The following KCNJ3 variants were observed in gnomAD, a reference collection of about 807,000 sequenced individuals.
KCNJ3 encodes the protein G protein-activated inward rectifier potassium channel 1.
Under a neutral mutation model 39.2 loss-of-function variants are expected in KCNJ3, and 4 were observed. The ratio of observed to expected loss-of-function variants is 0.10; its 90% CI spans 0.05 to 0.23. The LOEUF is 0.23. Among genes scored for constraint, KCNJ3 ranks in the 10% least tolerant of loss-of-function variants. KCNJ3 has a pLI of 1.00. For missense variants in KCNJ3, 276 were observed against 634.9 expected (o/e 0.43, Z 6.08); for synonymous variants, 230 against 237.4 (o/e 0.97, Z 0.29).
At chr2:154,707,215 C>A (rs147954139) in intron 1 of KCNJ3, among the ~76,000 whole-genome samples, 1 of 151,134 alleles carries the variant, frequency 6.6e-6, no homozygotes, top group Admixed American at 6.6e-5. Context: ...ATAGGAAGAC[C>A]TGGATAGGAT....
In KCNJ3 at chr2:154,726,763, T is replaced by C. The variant is rs566696535; in HGVS notation, c.919+16944T>C. 1.2e-3 allele frequency among the ~76,000 whole-genome samples: 169 copies of C among 145,984 alleles called. 1 individual carries two copies. The highest frequency in any genetic ancestry group is 1.9e-3 in the African/African-American group (76 of 39,136). ...GATAAAGAAAATGTGTATATATATA[T>C]ACACACACACACACACATACATTTT... On this transcript the variant is annotated intron_variant, in intron 2 of 2. Coordinates refer to ENST00000295101, the MANE Select transcript of KCNJ3 (RefSeq NM_002239.4).
chr2:154,799,481 G>T (rs1192291538), intron 2 of KCNJ3, among the ~76,000 whole-genome samples: 1 of 152,140 alleles, frequency 6.6e-6, no homozygotes. Context: ...AGGAGGGGTG[G>T]TGGGGTCTAG....
chr2:154,770,677 TC>T (rs1686225245), intron 2 of KCNJ3, among the ~76,000 whole-genome samples: 1 of 152,054 alleles, frequency 6.6e-6, no homozygotes, highest in South Asian at 2.1e-4. Flanking sequence ...ATCATAGGGA[TC>T]CATAAAGATC....
intron 2 of KCNJ3, among the ~76,000 whole-genome samples, chr2:154,736,261 A>G (rs1416259540): frequency 1.3e-5 from 2 of 151,874 alleles, no homozygotes; most frequent in Non-Finnish European, 2.9e-5. Flanking sequence ...TAATATTTAG[A>G]AACTGAGCCT....
intron 2 of KCNJ3, among the ~76,000 whole-genome samples, chr2:154,840,917 C>A (rs1318548189): frequency 1.3e-5 from 2 of 152,114 alleles, no homozygotes; most frequent in Non-Finnish European, 2.9e-5. Context: ...TAACTGAATA[C>A]CCTTTATTTC....
chr2:154,836,398 A>T (rs1558886805), intron 2 of KCNJ3, among the ~76,000 whole-genome samples: 1 of 151,994 alleles, frequency 6.6e-6, no homozygotes, highest in African/African-American at 2.4e-5. Flanking sequence ...CAGCATTTTT[A>T]TATCTTTGAC....
chr2:154,810,868 A>G (rs1686997669), intron 2 of KCNJ3, among the ~76,000 whole-genome samples: 1 of 152,160 alleles, frequency 6.6e-6, no homozygotes, highest in Admixed American at 6.5e-5. Flanking sequence ...TTTCCTGGCA[A>G]ATGATCTCAG....
At chr2:154,847,605 G>C (rs1687682692) in intron 2 of KCNJ3, among the ~76,000 whole-genome samples, 1 of 151,764 alleles carries the variant, frequency 6.6e-6, no homozygotes, top group South Asian at 2.1e-4. Context: ...TTCTGTGTAT[G>C]TGCCTGTGTA....
At chr2:154,808,783 A>G (rs561999682) in intron 2 of KCNJ3, among the ~76,000 whole-genome samples, 1 of 152,300 alleles carries the variant, frequency 6.6e-6, no homozygotes, top group African/African-American at 2.4e-5. Context: ...AAACTGCCAT[A>G]TTCTGTGACC....
chr2:154,735,147 C>T (rs1473752701), intron 2 of KCNJ3, among the ~76,000 whole-genome samples: 4 of 151,664 alleles, frequency 2.6e-5, no homozygotes, highest in Non-Finnish European at 4.4e-5. Context: ...AGTGCAGGGG[C>T]GCGATCTCGG....
intron 1 of KCNJ3, among the ~76,000 whole-genome samples, chr2:154,707,273 G>A (rs1222215410): frequency 6.6e-6 from 1 of 151,984 alleles, no homozygotes; most frequent in African/African-American, 2.4e-5. Flanking sequence ...TTTGAGTACA[G>A]GTGTAATTTT....
At position 154,768,401 on chromosome 2, in the gene KCNJ3, A is replaced by G. The variant is rs1244039487; in HGVS notation, c.919+58582A>G. On this transcript the variant is annotated intron_variant, in intron 2 of 2. Coordinates refer to ENST00000295101, the MANE Select transcript of KCNJ3 (RefSeq NM_002239.4). ...AAGGGATCCAGTTTCAGCTTTCTACATATGGCTAGCCAGTTTTCCCAGCAC... is the reference window on the plus strand; with the variant it reads ...AAGGGATCCAGTTTCAGCTTTCTACGTATGGCTAGCCAGTTTTCCCAGCAC... 3.9e-5 allele frequency among the ~76,000 whole-genome samples: 6 copies of G among 152,334 alleles called. No individual in the cohort carries two copies. In the South Asian group the frequency reaches 1.0e-3, roughly 26 times the overall value.
intron 2 of KCNJ3, among the ~76,000 whole-genome samples, chr2:154,798,206 ACACACACACACACACG>A (rs959761932): frequency 3.1e-4 from 39 of 125,466 alleles, no homozygotes; most frequent in South Asian, 1.3e-3. Context: ...ACACACACAC[ACACACACACACACACG>A]CACAGAGTCT....
intron 2 of KCNJ3, among the ~76,000 whole-genome samples, chr2:154,784,318 A>C (rs945352717): frequency 2.6e-5 from 4 of 152,248 alleles, no homozygotes; most frequent in Admixed American, 2.6e-4. Flanking sequence ...AAAAGTGGAC[A>C]TGACTTTTGT....
chr2:154,826,205 G>T (rs1167997374), intron 2 of KCNJ3, among the ~76,000 whole-genome samples: 1 of 152,158 alleles, frequency 6.6e-6, no homozygotes. Flanking sequence ...TTGAGGGCCA[G>T]CTATGTACGA....
chr2:154,844,685 C>G (rs1280701822), intron 2 of KCNJ3, among the ~76,000 whole-genome samples: 3 of 152,232 alleles, frequency 2.0e-5, no homozygotes, highest in African/African-American at 7.2e-5. Flanking sequence ...AGGCTACCAC[C>G]TCGCAGATTG....
At chr2:154,762,148 C>T (rs1686057314) in intron 2 of KCNJ3, among the ~76,000 whole-genome samples, 1 of 152,140 alleles carries the variant, frequency 6.6e-6, no homozygotes, top group African/African-American at 2.4e-5. Context: ...TACTTCTGAT[C>T]TCCAGATAGT....
chr2:154,806,296 T>C (rs1255019275), intron 2 of KCNJ3, among the ~76,000 whole-genome samples: 2 of 152,134 alleles, frequency 1.3e-5, no homozygotes, highest in Non-Finnish European at 2.9e-5. Context: ...GTCTGTCTCC[T>C]TTGCCTCTCA....
intron 2 of KCNJ3, among the ~76,000 whole-genome samples, chr2:154,850,756 A>G (rs1191814767): frequency 1.3e-5 from 2 of 152,192 alleles, no homozygotes; most frequent in African/African-American, 4.8e-5. Context: ...CATGATTAAC[A>G]TAGTGTTAAC....
Sources: gnomAD v4.1 joint callset for allele counts (sites outside exome capture counted in the v4.1 genomes callset) on GRCh38, gnomAD v4.1.1 for gene constraint, MANE v1.5 for transcripts, NCBI Gene and HGNC (gene_info 2026-07-23, HGNC 2026-07-21) for gene names.